Variants in OR56A3 observed in about 807,000 individuals in gnomAD.
OR56A3 encodes olfactory receptor 56A3.
A neutral mutation model predicts 17.5 loss-of-function variants in OR56A3; 23 were observed. The ratio of observed to expected loss-of-function variants is 1.32; its 90% CI spans 0.95 to 1.87. OR56A3 has a LOEUF of 1.87. OR56A3 is among the 40% of genes most tolerant of loss of function. The pLI, the probability that OR56A3 is intolerant of heterozygous loss-of-function variation, is 0.00. For synonymous variants in OR56A3, 175 were observed against 150.6 expected, an observed-to-expected ratio of 1.16 and a Z score of -1.19; for missense variants, 366 against 380.1, an observed-to-expected ratio of 0.96 and a Z score of 0.31.
chr11:5,968,168 A>C, the OR56A3 span: 2 of 1,614,078 alleles, frequency 1.2e-6, no homozygotes, highest in Non-Finnish European at 1.7e-6. Flanking sequence ...TAGTCAGAAA[A>C]CTGTTCATGA....
chr11:5,960,952 G>A, the OR56A3 span, among the ~76,000 whole-genome samples: 2 of 151,196 alleles, frequency 1.3e-5, no homozygotes, highest in Non-Finnish European at 1.5e-5. Context: ...CTGCCTCACC[G>A]CCACCCTGTC....
At chr11:5,964,818 G>A in the OR56A3 span, among the ~76,000 whole-genome samples, 1 of 152,154 alleles carries the variant, frequency 6.6e-6, no homozygotes, top group African/African-American at 2.4e-5. Context: ...CAGGATTGAG[G>A]TCCAAGCAAA....
At chr11:6,001,867 G>A in the OR56A3 span, 1 of 573,506 alleles carries the variant, frequency 1.7e-6, no homozygotes, top group South Asian at 4.1e-5. Context: ...TTCCTTTCAA[G>A]CAACAGAAAA....
the OR56A3 span, among the ~76,000 whole-genome samples, chr11:5,979,440 T>G: frequency 6.6e-6 from 1 of 152,114 alleles, no homozygotes; most frequent in Non-Finnish European, 1.5e-5. Flanking sequence ...CTTCCTCATT[T>G]AATCTTGGAA....
chr11:5,989,892 A>G, the OR56A3 span, among the ~76,000 whole-genome samples: 16 of 152,246 alleles, frequency 1.1e-4, no homozygotes, highest in Non-Finnish European at 2.4e-4. Context: ...GCAAAGCTGT[A>G]TTTAGTTATT....
the OR56A3 span, among the ~76,000 whole-genome samples, chr11:5,961,618 G>A: frequency 0.029 from 4,417 of 152,036 alleles, 73 homozygotes; most frequent in Middle Eastern, 0.075. Context: ...TGAGGAAGGC[G>A]GCAGGGCCCT....
chr11:5,978,637 G>A, the OR56A3 span, among the ~76,000 whole-genome samples: 1 of 151,852 alleles, frequency 6.6e-6, no homozygotes, highest in Non-Finnish European at 1.5e-5. Context: ...GGGTTTTCTG[G>A]ATATAGAATG....
the OR56A3 span, chr11:5,994,455 C>T: frequency 1.3e-6 from 1 of 741,076 alleles, no homozygotes; most frequent in South Asian, 1.3e-5. Flanking sequence ...TTGGGGGCAT[C>T]TGTCTCCATG....
the OR56A3 span, among the ~76,000 whole-genome samples, chr11:6,006,754 T>G: frequency 2.0e-5 from 3 of 152,208 alleles, no homozygotes; most frequent in Non-Finnish European, 4.4e-5. Flanking sequence ...CATAGGTCAG[T>G]AATGCTTGTA....
At chr11:6,008,404 A>G in the OR56A3 span, among the ~76,000 whole-genome samples, 3 of 152,320 alleles carry the variant, frequency 2.0e-5, no homozygotes, top group Admixed American at 2.0e-4. Flanking sequence ...TGAGTGAATA[A>G]TTGCTCAAGG....
Position 5,947,723 on chromosome 11 carries a change from G to C in OR56A3, c.377G>C (p.Arg126Pro). The C allele has an allele frequency of 6.2e-7, 1 of 1,614,138 alleles. No homozygotes were observed. The highest frequency in any genetic ancestry group is 8.5e-7 in the Non-Finnish European group (1 of 1,180,028). ...ACATTCATGGTCATGGCCTATGATC[G>C]TTATGTAGCCATCTGCCACCCACTG... ...SCTFMVMAYD[R>P]YVAICHPLRY... is the part of the protein sequence containing the mutation. The change falls in exon 3 of 3, where the codon CGT becomes CCT. Residue 126 changes from arginine to proline, a missense_variant. Arg to Pro is a moderately radical substitution (Grantham distance 103). Transcript: ENST00000641160.
chr11:5,992,299 G>T, the OR56A3 span, among the ~76,000 whole-genome samples: 56,080 of 151,964 alleles, frequency 0.37, 10,984 homozygotes, highest in East Asian at 0.58. Context: ...CTCCAACGCA[G>T]TTCACACCCA....
the OR56A3 span, among the ~76,000 whole-genome samples, chr11:5,982,075 A>C: frequency 6.6e-6 from 1 of 152,204 alleles, no homozygotes; most frequent in Non-Finnish European, 1.5e-5. Flanking sequence ...ACAACAGTCC[A>C]GTGGAGGGTG....
At chr11:6,015,398 A>G in the OR56A3 span, among the ~76,000 whole-genome samples, 1 of 152,100 alleles carries the variant, frequency 6.6e-6, no homozygotes, top group Non-Finnish European at 1.5e-5. Flanking sequence ...CCACTGCTTC[A>G]GAGAGTGCAA....
the OR56A3 span, among the ~76,000 whole-genome samples, chr11:5,962,390 G>A: frequency 4.6e-5 from 7 of 152,114 alleles, no homozygotes; most frequent in Non-Finnish European, 8.8e-5. Context: ...TTGGTATCCC[G>A]GTAATGCTGA....
chr11:6,014,969 C>T, the OR56A3 span, among the ~76,000 whole-genome samples: 1 of 105,636 alleles, frequency 9.5e-6, no homozygotes. Context: ...CAAGATGCAG[C>T]CTATGCTCAT....
the OR56A3 span, chr11:5,986,397 G>T: frequency 8.7e-6 from 14 of 1,613,892 alleles, no homozygotes; most frequent in Non-Finnish European, 1.2e-5. Context: ...CCAACAAAAT[G>T]GGGAAGGGGA....
chr11:5,960,324 G>C, the OR56A3 span, among the ~76,000 whole-genome samples: 10 of 151,582 alleles, frequency 6.6e-5, no homozygotes, highest in African/African-American at 2.4e-4. Context: ...AGGCTGGACT[G>C]TACTGCCACC....
At chr11:5,961,156 C>T in the OR56A3 span, among the ~76,000 whole-genome samples, 12 of 151,818 alleles carry the variant, frequency 7.9e-5, no homozygotes, top group Middle Eastern at 3.4e-3. Context: ...GCCCGGCCAC[C>T]GCCCAGTCTG....
Sources: allele counts gnomAD v4.1 joint callset (sites outside exome capture counted in the v4.1 genomes callset), GRCh38; gene constraint gnomAD v4.1.1; transcripts MANE v1.5; gene names NCBI Gene and HGNC (gene_info 2026-07-23, HGNC 2026-07-21).